Variants in SHISA6 observed in about 807,000 individuals in gnomAD.
The protein encoded by SHISA6 is protein shisa-6.
In SHISA6, 22 loss-of-function variants were observed where a neutral mutation model predicts 47.9. That is an observed-to-expected ratio of 0.46 (90% CI 0.33 to 0.66). SHISA6 has a LOEUF of 0.66. Among genes scored for constraint, SHISA6 ranks in the 30% least tolerant of loss-of-function variants. The pLI is 0.02. For missense variants in SHISA6, 680 were observed against 764.6 expected, an observed-to-expected ratio of 0.89 and a Z score of 1.30; for synonymous variants, 388 against 337.8, an observed-to-expected ratio of 1.15 and a Z score of -1.63.
chr17:11,507,155 G>A (rs2071505969), intron 3 of SHISA6, among the ~76,000 whole-genome samples: 1 of 152,180 alleles, frequency 6.6e-6, no homozygotes, highest in African/African-American at 2.4e-5. Context: ...CTCATAAAGA[G>A]CCAATAAACT....
chr17:11,432,503 T>C (rs1045822199), intron 3 of SHISA6, among the ~76,000 whole-genome samples: 1 of 152,196 alleles, frequency 6.6e-6, no homozygotes, highest in African/African-American at 2.4e-5. Context: ...TGGGCAGTTA[T>C]AGAGAAAATT....
At chr17:11,515,570 T>C (rs533990685) in intron 3 of SHISA6, among the ~76,000 whole-genome samples, 17 of 152,184 alleles carry the variant, frequency 1.1e-4, no homozygotes, top group African/African-American at 3.6e-4. Context: ...AGGTGTGGTC[T>C]CAGCTGGTGA....
chr17:11,271,887 C>G (rs1020587034), intron 2 of SHISA6, among the ~76,000 whole-genome samples: 1 of 152,112 alleles, frequency 6.6e-6, no homozygotes, highest in African/African-American at 2.4e-5. Flanking sequence ...CTCCTGCGCC[C>G]TTCTCTAGCA....
At chr17:11,434,177 C>A (rs1914871136) in intron 3 of SHISA6, among the ~76,000 whole-genome samples, 1 of 151,714 alleles carries the variant, frequency 6.6e-6, no homozygotes, top group Non-Finnish European at 1.5e-5. Flanking sequence ...GATTCTCCCA[C>A]CTCAGCCTCC....
At chr17:11,543,693 A>T (rs901922391) in intron 3 of SHISA6, among the ~76,000 whole-genome samples, 4 of 152,114 alleles carry the variant, frequency 2.6e-5, no homozygotes, top group African/African-American at 7.2e-5. Flanking sequence ...GGATAAGTCT[A>T]CTCAATTTCA....
At chr17:11,446,932 A>G (rs1915254999) in intron 3 of SHISA6, among the ~76,000 whole-genome samples, 1 of 152,204 alleles carries the variant, frequency 6.6e-6, no homozygotes, top group Non-Finnish European at 1.5e-5. Context: ...TTTCAGTCTA[A>G]TCATCCCAAG....
At chr17:11,251,539 G>A (rs1907805365) in intron 1 of SHISA6, among the ~76,000 whole-genome samples, 1 of 151,950 alleles carries the variant, frequency 6.6e-6, no homozygotes, top group South Asian at 2.1e-4. Context: ...GGCGATTTGG[G>A]AGGCGGTATG....
intron 3 of SHISA6, among the ~76,000 whole-genome samples, chr17:11,383,663 C>T (rs188649194): frequency 3.2e-4 from 48 of 152,262 alleles, no homozygotes; most frequent in Non-Finnish European, 5.0e-4. Context: ...AACTGAATGG[C>T]ATACTCATTC....
At chr17:11,326,291 A>G (rs917346473) in intron 2 of SHISA6, among the ~76,000 whole-genome samples, 1 of 151,776 alleles carries the variant, frequency 6.6e-6, no homozygotes, top group Admixed American at 6.6e-5. Context: ...AAAGCCCTAA[A>G]TAGGGGGATG....
At chr17:11,557,118 G>T (rs2071988916) in intron 5 of SHISA6, among the ~76,000 whole-genome samples, 1 of 152,190 alleles carries the variant, frequency 6.6e-6, no homozygotes, top group African/African-American at 2.4e-5. Flanking sequence ...GGGACTGGAG[G>T]CCCATGTATT....
rs148614303 is a variant in SHISA6, at chr17:11,310,093, T to C, written c.799+46567T>C. Among the ~76,000 whole-genome samples the C allele has an allele frequency of 5.6e-4, 85 of 152,234 alleles. No individual in the cohort carries two copies. The East Asian group carries it at 0.015, about 26-fold the overall frequency. ...TGGAGTGTGTCTGGCTAGCCATGTGTGTTAGGCTGCAGTTATACCACAGAA... is the reference window on the plus strand; with the variant it reads ...TGGAGTGTGTCTGGCTAGCCATGTGCGTTAGGCTGCAGTTATACCACAGAA... On this transcript the variant is annotated intron_variant, in intron 2 of 5. Transcript: ENST00000441885.
intron 3 of SHISA6, among the ~76,000 whole-genome samples, chr17:11,397,674 CT>C (rs371710999): frequency 0.01 from 1,486 of 144,038 alleles, 13 homozygotes; most frequent in African/African-American, 0.021. Context: ...TTCTATGTTA[CT>C]TTTTTTTTTT....
chr17:11,355,797 G>A (rs968257279), intron 2 of SHISA6, among the ~76,000 whole-genome samples: 2 of 152,168 alleles, frequency 1.3e-5, no homozygotes, highest in African/African-American at 4.8e-5. Flanking sequence ...GGTCTGATGA[G>A]TTAGACAGAA....
chr17:11,475,326 G>C (rs1357877889), intron 3 of SHISA6, among the ~76,000 whole-genome samples: 1 of 152,096 alleles, frequency 6.6e-6, no homozygotes, highest in Non-Finnish European at 1.5e-5. Context: ...TATTAAAAAG[G>C]AGTGTTGAGA....
chr17:11,440,385 C>T (rs1231896757), intron 3 of SHISA6, among the ~76,000 whole-genome samples: 2 of 152,042 alleles, frequency 1.3e-5, no homozygotes, highest in African/African-American at 2.4e-5. Context: ...AACCAGAGAA[C>T]ATACCAGTCC....
intron 2 of SHISA6, among the ~76,000 whole-genome samples, chr17:11,268,086 G>A (rs888940726): frequency 6.6e-6 from 1 of 152,104 alleles, no homozygotes; most frequent in African/African-American, 2.4e-5. Flanking sequence ...ATTCCTGGCA[G>A]TAGCAATGAG....
intron 3 of SHISA6, among the ~76,000 whole-genome samples, chr17:11,382,207 G>A (rs1368167586): frequency 6.6e-6 from 1 of 151,908 alleles, no homozygotes; most frequent in African/African-American, 2.4e-5. Context: ...TGAGTAGCTG[G>A]GACTACAGGC....
chr17:11,399,868 C>T (rs1032017417), intron 3 of SHISA6, among the ~76,000 whole-genome samples: 14 of 152,322 alleles, frequency 9.2e-5, no homozygotes, highest in South Asian at 4.1e-4. Flanking sequence ...TTAAACTCCA[C>T]TGTCAAAGGT....
chr17:11,521,996 C>T (rs535071025), intron 3 of SHISA6, among the ~76,000 whole-genome samples: 13 of 151,876 alleles, frequency 8.6e-5, no homozygotes, highest in Non-Finnish European at 1.8e-4. Flanking sequence ...GACAGAGTCT[C>T]GCTCTGTCAC....
Sources: allele counts gnomAD v4.1 joint callset (sites outside exome capture counted in the v4.1 genomes callset), GRCh38; gene constraint gnomAD v4.1.1; transcripts MANE v1.5; gene names NCBI Gene and HGNC (gene_info 2026-07-23, HGNC 2026-07-21).